Variants in RNF185 observed in about 807,000 individuals in gnomAD.
RNF185 encodes the protein E3 ubiquitin-protein ligase RNF185.
A neutral mutation model predicts 24.9 loss-of-function variants in RNF185; 13 were observed. The observed-to-expected ratio is 0.52, with a 90% CI of 0.34 to 0.83. The LOEUF is 0.83. Among genes scored for constraint, RNF185 ranks in the 40% least tolerant of loss-of-function variants. RNF185 has a pLI of 0.01. For missense variants in RNF185, 184 were observed against 244.7 expected, an observed-to-expected ratio of 0.75 and a Z score of 1.65; for synonymous variants, 79 against 90.3, an observed-to-expected ratio of 0.88 and a Z score of 0.71.
intron 1 of RNF185, among the ~76,000 whole-genome samples, chr22:31,169,786 G>A (rs189931317): frequency 1.3e-5 from 2 of 152,224 alleles, no homozygotes; most frequent in East Asian, 1.9e-4. Context: ...GGGCTCAAGT[G>A]ATCTGCCTGC....
rs1936127795 is a variant in RNF185, at chr22:31,196,303, AG to A, written c.309-632del. Among the ~76,000 whole-genome samples, 3 of 152,108 alleles carry A rather than the reference AG, an allele frequency of 2.0e-5. No individual in the cohort carries two copies. The South Asian group carries it at 6.2e-4, about 32-fold the overall frequency. ...TTCTTCACATTAGTTGCTCTCACCC[AG>A]TTCCCACCACAGTGTCATATGACTG... On this transcript the variant is annotated intron_variant, in intron 4 of 6. Coordinates refer to ENST00000326132, the MANE Select transcript of RNF185 (RefSeq NM_152267.4).
At chr22:31,189,957 G>A (rs1410405810) in intron 2 of RNF185, among the ~76,000 whole-genome samples, 1 of 152,144 alleles carries the variant, frequency 6.6e-6, no homozygotes, top group East Asian at 1.9e-4. Flanking sequence ...TGAAACAGAT[G>A]CTTCCAGTCT....
rs200159309 is a variant in RNF185, at chr22:31,176,790, TC to T, written c.-48-10255del. Among the ~76,000 whole-genome samples, 405 of 152,300 alleles carry T rather than the reference TC, an allele frequency of 2.7e-3. 2 individuals carry two copies. Among genetic ancestry groups the T allele is most frequent in the African/African-American group, 9.4e-3 (391 of 41,566 alleles). ...GGCGTGAGCCACCGTGTCCAGCCCA[TC>T]CTGTTTTTTTCACTTAACATTATGT... On this transcript the variant is annotated intron_variant, in intron 1 of 6. Coordinates refer to ENST00000326132, the MANE Select transcript of RNF185 (RefSeq NM_152267.4).
chr22:31,183,237 G>A (rs1179312357), intron 1 of RNF185, among the ~76,000 whole-genome samples: 1 of 152,048 alleles, frequency 6.6e-6, no homozygotes, highest in Non-Finnish European at 1.5e-5. Context: ...ATTCATTTTA[G>A]ATGCTTGATC....
chr22:31,186,533 CAG>C (rs1216058220), intron 1 of RNF185, among the ~76,000 whole-genome samples: 13 of 152,140 alleles, frequency 8.5e-5, no homozygotes. Context: ...ACCTGGGAGG[CAG>C]AGGTTGCAGT....
chr22:31,182,741 C>G (rs1460506625), intron 1 of RNF185, among the ~76,000 whole-genome samples: 1 of 147,412 alleles, frequency 6.8e-6, no homozygotes, highest in Non-Finnish European at 1.5e-5. Context: ...TATCTCGTAT[C>G]TCAATCTATA....
intron 1 of RNF185, among the ~76,000 whole-genome samples, chr22:31,176,692 G>A (rs1057255764): frequency 2.6e-5 from 4 of 151,276 alleles, no homozygotes; most frequent in Non-Finnish European, 5.9e-5. Context: ...GTTTCACCGT[G>A]TTAGCCAGGA....
At chr22:31,173,146 G>C (rs2047946156) in intron 1 of RNF185, among the ~76,000 whole-genome samples, 1 of 151,892 alleles carries the variant, frequency 6.6e-6, no homozygotes, top group Non-Finnish European at 1.5e-5. Context: ...CTCTGTGTGA[G>C]TATGTTATCT....
chr22:31,175,702 A>G (rs1013156326), intron 1 of RNF185, among the ~76,000 whole-genome samples: 2 of 152,156 alleles, frequency 1.3e-5, no homozygotes, highest in Admixed American at 1.3e-4. Context: ...GGTTCCAGGG[A>G]TAGGGAGAGA....
chr22:31,192,983 G>A (rs1027775365), intron 3 of RNF185, among the ~76,000 whole-genome samples: 7 of 152,160 alleles, frequency 4.6e-5, no homozygotes, highest in African/African-American at 1.7e-4. Flanking sequence ...TTATTTTTGA[G>A]ATTCTGCTTC....
rs2048143670 is a variant in RNF185 at position 31,190,294 on chromosome 22, TTTG to T, written c.177-2384_177-2382del. On this transcript the variant is annotated intron_variant, in intron 2 of 6. Transcript: ENST00000326132. ...GTATGTTGGATTTTTTGTTTGTTTG[TTTG>T]TTGTTTTTTTGAGGAGTCTCACTCT... is the stretch of plus-strand genomic sequence containing the variant. 3.9e-5 allele frequency among the ~76,000 whole-genome samples: 6 copies of T among 152,252 alleles called. 1 individual carries two copies. The South Asian group carries it at 1.2e-3, about 32-fold the overall frequency.
intron 1 of RNF185, among the ~76,000 whole-genome samples, chr22:31,160,567 C>A (rs1239257790): frequency 6.6e-6 from 1 of 152,192 alleles, no homozygotes; most frequent in Non-Finnish European, 1.5e-5. Flanking sequence ...GGCACTGATT[C>A]CCATTCTATC....
intron 1 of RNF185, among the ~76,000 whole-genome samples, chr22:31,164,837 C>T (rs141515014): frequency 0.026 from 3,963 of 152,100 alleles, 80 homozygotes; most frequent in African/African-American, 0.047. Flanking sequence ...CCACCTGCCT[C>T]GGCCTCCCAA....
intron 1 of RNF185, among the ~76,000 whole-genome samples, chr22:31,184,521 G>A (rs140562641): frequency 0.15 from 22,393 of 151,840 alleles, 1,750 homozygotes; most frequent in African/African-American, 0.21. Flanking sequence ...GGTGGCGGCC[G>A]GGCAGAGGCT....
intron 2 of RNF185, 58 bp downstream of exon 2, chr22:31,187,328 C>A: frequency 6.3e-7 from 1 of 1,593,060 alleles, no homozygotes. Flanking sequence ...AAGCCTGTGG[C>A]CCTGGGTGGT....
intron 5 of RNF185, 79 bp from the exon 6 acceptor site, chr22:31,201,419 G>A (rs1568974049): frequency 9.0e-6 from 9 of 1,003,246 alleles, no homozygotes; most frequent in South Asian, 3.8e-5. Context: ...GCAAGACAAC[G>A]TGAGGTATGT....
At chr22:31,180,101 G>A (rs987634749) in intron 1 of RNF185, among the ~76,000 whole-genome samples, 16 of 142,032 alleles carry the variant, frequency 1.1e-4, no homozygotes, top group African/African-American at 1.5e-4. Flanking sequence ...GTGGAAACCA[G>A]AACATGGCGG....
chr22:31,175,159 A>C lies in RNF185; in HGVS notation c.-48-11888A>C, dbSNP rs2047969803. ...TAGAATCCCCACTCAGATATGTGTT[A>C]TCTCTGGGCTTGGTGGCTGATTGCC... On this transcript the variant is annotated intron_variant, in intron 1 of 6. Transcript: ENST00000326132. 2.0e-5 allele frequency among the ~76,000 whole-genome samples: 3 copies of C among 151,716 alleles called. No individual in the cohort carries two copies. In the South Asian group the frequency reaches 6.2e-4, roughly 32 times the overall value.
intron 1 of RNF185, among the ~76,000 whole-genome samples, chr22:31,184,808 G>A (rs1281517390): frequency 1.3e-5 from 2 of 151,950 alleles, no homozygotes; most frequent in African/African-American, 4.8e-5. Flanking sequence ...CCAGGCACTC[G>A]GCAGGCTGAG....
Sources: allele counts gnomAD v4.1 joint callset (sites outside exome capture counted in the v4.1 genomes callset), GRCh38; gene constraint gnomAD v4.1.1; transcripts MANE v1.5; gene names NCBI Gene and HGNC (gene_info 2026-07-23, HGNC 2026-07-21).